CPA5: variants seen among roughly 807,000 people sequenced by gnomAD.
CPA5 encodes the protein testicular tissue protein Li 32.
In CPA5, 38 loss-of-function variants were observed where a neutral mutation model predicts 52.2. The ratio of observed to expected loss-of-function variants is 0.73; its 90% confidence interval spans 0.56 to 0.95. CPA5 has a LOEUF of 0.95. Ranked by LOEUF, CPA5 falls within the 40% of genes least tolerant of loss-of-function variation. CPA5 has a pLI of 0.00. For synonymous variants in CPA5, 198 were observed against 213.7 expected, an observed-to-expected ratio of 0.93 and a Z score of 0.64; for missense variants, 519 against 566.7, an observed-to-expected ratio of 0.92 and a Z score of 0.86.
chr7:130,346,674 C>A, intron 3 of CPA5, 73 bp downstream of exon 3: 2 of 1,272,290 alleles, frequency 1.6e-6, no homozygotes, highest in Non-Finnish European at 2.3e-6. Context: ...CAGGAGGTGG[C>A]TGCCCTGCTG....
chr7:130,346,970 A>G (rs1330478081), intron 3 of CPA5, among the ~76,000 whole-genome samples: 1 of 152,164 alleles, frequency 6.6e-6, no homozygotes, highest in Non-Finnish European at 1.5e-5. Context: ...ACATACCCCT[A>G]CCAAAAATGG....
chr7:130,367,256 T>A, intron 10 of CPA5, 116 bp from the exon 11 acceptor site: 2 of 838,200 alleles, frequency 2.4e-6, no homozygotes, highest in Non-Finnish European at 3.9e-6. Flanking sequence ...TCACATGACC[T>A]CAGTCATACT....
chr7:130,366,029 C>T (rs1306990739), intron 10 of CPA5, among the ~76,000 whole-genome samples: 3 of 152,234 alleles, frequency 2.0e-5, no homozygotes, highest in Non-Finnish European at 4.4e-5. Flanking sequence ...CTGGGCCTCC[C>T]TGGGGCCAGC....
chr7:130,373,391 T>C (rs1170527195), downstream of CPA5, among the ~76,000 whole-genome samples: 3 of 151,778 alleles, frequency 2.0e-5, no homozygotes, highest in African/African-American at 4.8e-5. Context: ...AAAAAAAGCA[T>C]TGGAAAAACT....
intron 5 of CPA5, among the ~76,000 whole-genome samples, chr7:130,356,062 G>T (rs1475825203): frequency 2.0e-5 from 3 of 152,226 alleles, no homozygotes; most frequent in Non-Finnish European, 4.4e-5. Flanking sequence ...TACTGCAGAT[G>T]TTAGACCTGG....
At chr7:130,350,680 G>A (rs1185873165) in intron 5 of CPA5, among the ~76,000 whole-genome samples, 5 of 152,244 alleles carry the variant, frequency 3.3e-5, no homozygotes, top group African/African-American at 1.2e-4. Flanking sequence ...CGCTTTGGGA[G>A]AAGCAGCTAC....
intron 5 of CPA5, among the ~76,000 whole-genome samples, chr7:130,352,048 G>A (rs1795179884): frequency 6.6e-6 from 1 of 152,144 alleles, no homozygotes; most frequent in African/African-American, 2.4e-5. Context: ...CTTGATAAAT[G>A]TCAGTGGAAC....
chr7:130,357,586 G>C (rs1554405523), intron 5 of CPA5, among the ~76,000 whole-genome samples: 1 of 149,860 alleles, frequency 6.7e-6, no homozygotes, highest in African/African-American at 2.5e-5. Context: ...TCACGCCACT[G>C]TACTCCAGCC....
intron 9 of CPA5, among the ~76,000 whole-genome samples, 165 bp downstream of exon 9, chr7:130,363,159 C>G (rs1187612805): frequency 6.6e-6 from 1 of 152,342 alleles, no homozygotes; most frequent in Middle Eastern, 3.4e-3. Flanking sequence ...TGCCCTCTGA[C>G]CTCTTTCTTG....
rs868995879 is a variant in CPA5, at chr7:130,362,632, T to C, written c.636+93T>C. ...TTTAAGGGCACCTTCAGTTCAACAG[T>C]TACACTCAGGGTGCTGTCTCCATCC... On this transcript the variant is annotated intron_variant, in intron 8 of 12. Coordinates refer to ENST00000474905, the MANE Select transcript of CPA5 (RefSeq NM_080385.5). The C allele has an allele frequency of 9.2e-5, 81 of 883,024 alleles. No individual in the cohort carries two copies. In the Middle Eastern group the frequency reaches 3.6e-3, roughly 39 times the overall value. The allele number at this position is 883,024 out of a possible 1,614,324, so 54.7% of individuals were successfully genotyped here.
At chr7:130,348,655 C>A (rs1050863063) in intron 4 of CPA5, among the ~76,000 whole-genome samples, 2 of 152,140 alleles carry the variant, frequency 1.3e-5, no homozygotes, top group Non-Finnish European at 2.9e-5. Flanking sequence ...TTAGGGCTCT[C>A]TGGATCCTGA....
intron 4 of CPA5, 148 bp downstream of exon 4, chr7:130,347,995 C>T (rs183207536): frequency 4.1e-4 from 255 of 621,410 alleles, no homozygotes; most frequent in Non-Finnish European, 4.7e-4. Flanking sequence ...CACGTGGCTC[C>T]ACTTCAGGAA....
intron 7 of CPA5, 35 bp downstream of exon 7, chr7:130,361,279 C>G: frequency 7.1e-7 from 1 of 1,408,098 alleles, no homozygotes; most frequent in Non-Finnish European, 1.0e-6. Flanking sequence ...TAGACTCTAC[C>G]TTGAGGGCCT....
At chr7:130,346,264 T>A in intron 2 of CPA5, 129 bp from the exon 3 acceptor site, 1 of 433,962 alleles carries the variant, frequency 2.3e-6, no homozygotes, top group Non-Finnish European at 4.0e-6. Context: ...TCTTCCTCCT[T>A]CTCTCTTCCC....
chr7:130,352,790 G>T (rs1795244368), intron 5 of CPA5, among the ~76,000 whole-genome samples: 1 of 152,066 alleles, frequency 6.6e-6, no homozygotes, highest in East Asian at 1.9e-4. Context: ...TTCCGAGCGA[G>T]CTCTATTTGC....
At chr7:130,361,311 A>G in intron 7 of CPA5, 67 bp downstream of exon 7, 1 of 1,105,360 alleles carries the variant, frequency 9.0e-7, no homozygotes. Context: ...TTGATCTCAT[A>G]TGGGGTAGTG....
Position 130,362,891 on chromosome 7 carries a change from G to A in CPA5, c.644G>A (p.Ser215Asn), listed in dbSNP as rs114648634. Reference protein sequence around the residue: ...TGIWTANKIVSDYGKDRVLTD... With the variant: ...TGIWTANKIVNDYGKDRVLTD... ...CCTCACTCTTTCTTGCAGATTGTCA[G>A]TGATTATGGCAAAGACCGTGTCCTG... The change falls in exon 9 of 13, where the codon AGT (serine) becomes AAT (asparagine). Residue 215 changes from serine (S) to asparagine (N), a missense_variant. By Grantham distance (46) the Ser-to-Asn change is conservative (BLOSUM62 1). Coordinates refer to ENST00000474905, the MANE Select transcript of CPA5 (RefSeq NM_080385.5). 3.2e-4 allele frequency: 511 copies of A among 1,610,758 alleles called. No individual in the cohort carries two copies. The African/African-American group carries it at 6.0e-3, about 19-fold the overall frequency.
intron 4 of CPA5, among the ~76,000 whole-genome samples, chr7:130,349,746 GTATCCCAA>G: frequency 2.7e-5 from 1 of 37,542 alleles, no homozygotes; most frequent in Admixed American, 3.8e-4. Context: ...AAAAAAACCT[GTATCCCAA>G]ATCTGTTTGT....
chr7:130,364,624 A>C (rs1381763676), intron 10 of CPA5, among the ~76,000 whole-genome samples: 1 of 152,184 alleles, frequency 6.6e-6, no homozygotes, highest in Non-Finnish European at 1.5e-5. Flanking sequence ...GGCATAAGCC[A>C]CCACACCTGG....
Sources: allele counts gnomAD v4.1 joint callset (sites outside exome capture counted in the v4.1 genomes callset), GRCh38; gene constraint gnomAD v4.1.1; transcripts MANE v1.5; gene names NCBI Gene and HGNC (gene_info 2026-07-23, HGNC 2026-07-21).